Variants in SRA1 observed in about 807,000 individuals in gnomAD.
The protein encoded by SRA1 is lncRNA SRA.
A neutral mutation model predicts 24.3 loss-of-function variants in SRA1; 25 were observed. That is an observed-to-expected ratio of 1.03 (90% CI 0.75 to 1.43). The LOEUF is 1.43. Ranked by LOEUF, SRA1 falls within the 40% of genes most tolerant of loss-of-function variation. SRA1 has a pLI of 0.00. For missense variants in SRA1, 303 were observed against 286.6 expected (o/e 1.06, Z -0.41); for synonymous variants, 104 against 109.5 (o/e 0.95, Z 0.31).
chr5:140,555,616 CT>C (rs1215585559), intron 2 of SRA1, among the ~76,000 whole-genome samples: 22 of 152,170 alleles, frequency 1.4e-4, no homozygotes, highest in African/African-American at 5.3e-4. Flanking sequence ...CCCTACGGCT[CT>C]GTCCCTGGCC....
At chr5:140,556,110 G>A (rs754600993) in intron 2 of SRA1, among the ~76,000 whole-genome samples, 1 of 152,246 alleles carries the variant, frequency 6.6e-6, no homozygotes, top group East Asian at 1.9e-4. Context: ...TTGGGTAGAA[G>A]TCAGAGTTGC....
intron 2 of SRA1, among the ~76,000 whole-genome samples, chr5:140,553,255 C>T (rs1347885592): frequency 2.0e-5 from 3 of 150,932 alleles, no homozygotes; most frequent in Admixed American, 6.6e-5. Flanking sequence ...GCAGGAGGAT[C>T]GCTTGAGCCC....
rs1417920284 is a variant in SRA1, at chr5:140,552,147, C to T, written c.189G>A (p.Met63Ile). 2 of 1,609,708 alleles carry T rather than the reference C, an allele frequency of 1.2e-6. No individual in the cohort carries two copies. Among genetic ancestry groups the T allele is most frequent in the South Asian group, 1.1e-5 (1 of 90,368 alleles). Reference sequence around the variant, plus strand: ...CCTTACTTGAAGGAGGTGGAGGCCCCATTGGGGGAGGCCCAGGAGAAGTCT... The same window carrying T: ...CCTTACTTGAAGGAGGTGGAGGCCCTATTGGGGGAGGCCCAGGAGAAGTCT... Reference protein sequence around the residue: ...ASETSPGPPPMGPPPPSSKAP... With the variant: ...ASETSPGPPPIGPPPPSSKAP... The change falls in exon 3 of 5, where the codon ATG becomes ATA. Residue 63 changes from methionine to isoleucine, a missense_variant. Coordinates refer to ENST00000336283, the MANE Select transcript of SRA1 (RefSeq NM_001035235.4).
At chr5:140,554,167 C>A (rs1396037202) in intron 2 of SRA1, among the ~76,000 whole-genome samples, 1 of 152,122 alleles carries the variant, frequency 6.6e-6, no homozygotes, top group Non-Finnish European at 1.5e-5. Flanking sequence ...ATTAACATCA[C>A]CCCCTTATAA....
chr5:140,553,102 A>G (rs1164563348), intron 2 of SRA1, among the ~76,000 whole-genome samples: 3 of 152,232 alleles, frequency 2.0e-5, no homozygotes, highest in African/African-American at 7.2e-5. Context: ...GTTACTTTCA[A>G]CTAGAGCTTA....
intron 2 of SRA1, among the ~76,000 whole-genome samples, chr5:140,556,646 A>T: frequency 6.7e-6 from 1 of 149,554 alleles, no homozygotes; most frequent in East Asian, 2.0e-4. Context: ...CAGTGCTGCA[A>T]CGTGGACTTC....
At chr5:140,555,156 G>A (rs1754659363) in intron 2 of SRA1, among the ~76,000 whole-genome samples, 1 of 152,154 alleles carries the variant, frequency 6.6e-6, no homozygotes, top group South Asian at 2.1e-4. Flanking sequence ...AATTACAGGC[G>A]TGAGCCACTG....
At chr5:140,553,024 G>A (rs139421169) in intron 2 of SRA1, among the ~76,000 whole-genome samples, 2 of 152,326 alleles carry the variant, frequency 1.3e-5, no homozygotes, top group East Asian at 3.9e-4. Context: ...TAGACTAAGT[G>A]TTCAAGGAAG....
chr5:140,557,765 C>T (rs560557194), upstream of SRA1: 2 of 513,824 alleles, frequency 3.9e-6, no homozygotes, highest in African/African-American at 2.0e-5. Flanking sequence ...ACATACACCC[C>T]GCTGTGATCT....
chr5:140,557,064 A>T lies in SRA1; in HGVS notation c.151+83T>A, dbSNP rs182198091. The stretch of plus-strand genomic sequence containing the variant: ...TCCTTAAGGAGCCCTCGGGGAGAGA[A>T]AAAAGCCTTCCAAACAGGCTTATGC... On this transcript the variant is annotated intron_variant, in intron 2 of 4. Transcript: ENST00000336283. The T allele has an allele frequency of 4.1e-5, 54 of 1,331,304 alleles. No individual in the cohort carries two copies. In the Admixed American group the frequency reaches 1.0e-3, roughly 25 times the overall value. 82.5% of individuals were successfully genotyped at this position (1,331,304 alleles called of 1,614,324 possible). A position where few individuals can be genotyped will look rare whatever the true frequency, so the allele number is the denominator to read the frequency against.
At chr5:140,556,979 A>G (rs544210593) in intron 2 of SRA1, among the ~76,000 whole-genome samples, 168 bp downstream of exon 2, 3 of 152,208 alleles carry the variant, frequency 2.0e-5, no homozygotes, top group Non-Finnish European at 4.4e-5. Flanking sequence ...CCTGAGCAGC[A>G]GAGAAGGGGC....
chr5:140,552,698 A>G (rs1341864207), intron 2 of SRA1, among the ~76,000 whole-genome samples: 5 of 151,748 alleles, frequency 3.3e-5, no homozygotes. Flanking sequence ...GCCTGGGCAC[A>G]GTGGCTTATG....
rs540665939 is a variant in SRA1 at position 140,551,805 on chromosome 5, G to A, written c.354+177C>T. On this transcript the variant is annotated intron_variant, in intron 3 of 4. Transcript: ENST00000336283. Reference sequence around the variant, plus strand: ...ATTGGTCTTCAAAAGTCTTATTAATGCTCCTGAAATCCTGTGTTCATTTCT... The same window carrying A: ...ATTGGTCTTCAAAAGTCTTATTAATACTCCTGAAATCCTGTGTTCATTTCT... 4 of 557,482 alleles carry A rather than the reference G, an allele frequency of 7.2e-6. 1 individual carries two copies. The East Asian group carries it at 9.2e-5, about 13-fold the overall frequency. 34.5% of individuals were successfully genotyped at this position (557,482 alleles called of 1,614,324 possible).
At chr5:140,551,518 CAA>C (rs887388204) in intron 3 of SRA1, 4 of 239,048 alleles carry the variant, frequency 1.7e-5, no homozygotes, top group Non-Finnish European at 3.2e-5. Context: ...CGTTACTTCA[CAA>C]AAAGAAAACT....
intron 2 of SRA1, among the ~76,000 whole-genome samples, chr5:140,554,537 A>G (rs893056055): frequency 1.2e-4 from 18 of 152,130 alleles, no homozygotes; most frequent in Admixed American, 5.2e-4. Flanking sequence ...AAGCCATCTT[A>G]CCAGCTGTAC....
chr5:140,554,875 C>T (rs1183608373), intron 2 of SRA1, among the ~76,000 whole-genome samples: 2 of 152,048 alleles, frequency 1.3e-5, no homozygotes, highest in African/African-American at 4.8e-5. Context: ...TTTGTCAAAT[C>T]TACTGGTTCC....
chr5:140,557,083 C>T, intron 2 of SRA1, 64 bp downstream of exon 2: 1 of 1,436,898 alleles, frequency 7.0e-7, no homozygotes, highest in South Asian at 1.3e-5. Flanking sequence ...TCCAAACAGG[C>T]TTATGCCTTA....
At chr5:140,557,095 A>AGC in intron 2 of SRA1, 52 bp downstream of exon 2, 1 of 836,690 alleles carries the variant, frequency 1.2e-6, no homozygotes, top group Non-Finnish European at 1.8e-6. Flanking sequence ...TATGCCTTAC[A>AGC]CCCCCCCCCC....
In SRA1 at chr5:140,557,425, C is replaced by G. The variant is rs781046195; in HGVS notation, c.25+3G>C. On this transcript the variant is annotated splice_donor_region_variant and intron_variant, in intron 1 of 4. Transcript: ENST00000336283. ...AGTGCCCTAGCCCGCCGGCTGCGCTCACCCGGCTTCACGTACAGCTCCGCC... is the reference window on the plus strand; with the variant it reads ...AGTGCCCTAGCCCGCCGGCTGCGCTGACCCGGCTTCACGTACAGCTCCGCC... The G allele has an allele frequency of 1.1e-5, 17 of 1,572,056 alleles. No individual in the cohort carries two copies. In the Admixed American group the frequency reaches 2.6e-4, roughly 24 times the overall value.
Sources: gnomAD v4.1 joint callset for allele counts (sites outside exome capture counted in the v4.1 genomes callset) on GRCh38, gnomAD v4.1.1 for gene constraint, MANE v1.5 for transcripts, NCBI Gene and HGNC (gene_info 2026-07-23, HGNC 2026-07-21) for gene names.